UGT1A3: variants seen among roughly 807,000 people sequenced by gnomAD.
UGT1A3 encodes the protein UDP-glucuronosyltransferase 1A3.
In UGT1A3, 31 loss-of-function variants were observed where a neutral mutation model predicts 41.0. That is an observed-to-expected ratio of 0.76 (90% confidence interval 0.57 to 1.02). The LOEUF (loss-of-function observed/expected upper bound fraction) is 1.02. Ranked by LOEUF, UGT1A3 falls within the 50% of genes least tolerant of loss-of-function variation. The pLI, the probability that UGT1A3 is intolerant of heterozygous loss-of-function variation, is 0.00. For missense variants in UGT1A3, 737 were observed against 671.0 expected, an observed-to-expected ratio of 1.10 and a Z score of -1.09; for synonymous variants, 262 against 257.6, an observed-to-expected ratio of 1.02 and a Z score of -0.17.
At chr2:233,734,935 C>A (rs1354608889) in intron 1 of UGT1A3, among the ~76,000 whole-genome samples, 1 of 152,058 alleles carries the variant, frequency 6.6e-6, no homozygotes, top group African/African-American at 2.4e-5. Flanking sequence ...TACTTACAAT[C>A]ATATGGTCAG....
chr2:233,730,014 C>G (rs1187658663), intron 1 of UGT1A3, 21 bp downstream of exon 1: 2 of 1,613,720 alleles, frequency 1.2e-6, no homozygotes, highest in Non-Finnish European at 1.7e-6. Context: ...GTGCCTTCAT[C>G]CAATCAATGT....
intron 1 of UGT1A3, among the ~76,000 whole-genome samples, chr2:233,740,070 C>T (rs1691295893): frequency 6.6e-6 from 1 of 151,860 alleles, no homozygotes; most frequent in South Asian, 2.1e-4. Context: ...AGCTTTTCCT[C>T]TCTGTCTCTC....
chr2:233,743,602 G>A (rs1559387317), intron 1 of UGT1A3: 9 of 1,367,156 alleles, frequency 6.6e-6, no homozygotes, highest in African/African-American at 3.0e-5. Flanking sequence ...GGTCCTGGCC[G>A]CCGAAGAACT....
chr2:233,747,450 T>A, intron 1 of UGT1A3: 1 of 1,609,050 alleles, frequency 6.2e-7, no homozygotes, highest in Non-Finnish European at 8.5e-7. Flanking sequence ...CCTGACAACC[T>A]ATGCCATTTC....
At chr2:233,749,714 G>C (rs1485343485) in intron 1 of UGT1A3, among the ~76,000 whole-genome samples, 2 of 151,806 alleles carry the variant, frequency 1.3e-5, no homozygotes, top group Non-Finnish European at 2.9e-5. Flanking sequence ...TGGATCATGG[G>C]GGCAGTTTCG....
At position 233,729,825 on chromosome 2, in the gene UGT1A3, C is replaced by T. The variant is rs770263678; in HGVS notation, c.699C>T (p.Ser233=). The T allele has an allele frequency of 5.6e-6, 9 of 1,613,784 alleles. No individual in the cohort carries two copies. Among genetic ancestry groups the T allele is most frequent in the African/African-American group, 2.7e-5 (2 of 74,890 alleles). ...ATGCTTTTTCTGCTCCTTATGCAAG[C>T]CTTGCCTCTGAGCTTTTTCAGAGAG... The part of the protein sequence containing the change: ...ICHAFSAPYA[S]LASELFQREV... The change falls in exon 1 of 5, where the codon AGC becomes AGT. Residue 233 remains serine (S), a synonymous_variant. Transcript: ENST00000482026.
At chr2:233,741,466 G>C (rs577572519) in intron 1 of UGT1A3, 1 of 149,788 alleles carries the variant, frequency 6.7e-6, no homozygotes, top group Non-Finnish European at 1.5e-5. Flanking sequence ...CTTCACACAT[G>C]TAAGTTCCCT....
At chr2:233,768,989 C>A (rs947388091) in intron 4 of UGT1A3, among the ~76,000 whole-genome samples, 2 of 152,024 alleles carry the variant, frequency 1.3e-5, no homozygotes, top group African/African-American at 4.8e-5. Context: ...TTATTTCCCC[C>A]ATTAGATTTA....
chr2:233,749,588 C>G (rs932170958), intron 1 of UGT1A3, among the ~76,000 whole-genome samples: 1 of 151,804 alleles, frequency 6.6e-6, no homozygotes, highest in African/African-American at 2.4e-5. Context: ...TCTGTCTCAA[C>G]ATGAAGTCAC....
In UGT1A3 at chr2:233,772,291, G is replaced by C; in HGVS notation, c.1337G>C (p.Ser446Thr). Residue 446 changes from serine (S) to threonine (T), a missense_variant, in exon 5 of 5, where the codon AGC becomes ACC. Physicochemically the swap from Ser to Thr is moderately conservative, Grantham distance 58. Transcript: ENST00000482026. ...SYKENIMRLS[S>T]LHKDRPVEPL... ...AAGGAGAACATCATGCGCCTCTCCA[G>C]CCTTCACAAGGACCGCCCGGTGGAG... 1 of 1,614,230 alleles carries C rather than the reference G, an allele frequency of 6.2e-7. No individual in the cohort carries two copies. The highest frequency in any genetic ancestry group is 8.5e-7 in the Non-Finnish European group (1 of 1,180,052).
intron 1 of UGT1A3, among the ~76,000 whole-genome samples, chr2:233,746,994 GT>G (rs1693533640): frequency 6.6e-6 from 1 of 151,864 alleles, no homozygotes; most frequent in South Asian, 2.1e-4. Flanking sequence ...GGTCAGATGA[GT>G]TTTTCAAGTA....
At position 233,769,466 on chromosome 2, in the gene UGT1A3, T is replaced by C. The variant is rs1023177408; in HGVS notation, c.1307+1027T>C. On this transcript the variant is annotated intron_variant, in intron 4 of 4. Coordinates refer to ENST00000482026, the MANE Select transcript of UGT1A3 (RefSeq NM_019093.4). The surrounding 1 kb of genome is among the most constrained non-coding windows in gnomAD (Gnocchi z 4.4). ...GTGCACACGTGTGCATTCATATGCG[T>C]GTGTGTGTGTGTGCGTGTGTTTATG... 86 of 1,281,398 alleles carry C rather than the reference T, an allele frequency of 6.7e-5. No homozygotes were observed. The South Asian group carries it at 1.2e-3, about 18-fold the overall frequency. 79.4% of individuals were successfully genotyped at this position (1,281,398 alleles called of 1,614,324 possible).
chr2:233,757,312 G>A (rs1288195448), intron 1 of UGT1A3, among the ~76,000 whole-genome samples: 1 of 141,206 alleles, frequency 7.1e-6, no homozygotes, highest in Non-Finnish European at 1.5e-5. Context: ...GGACAGGGGG[G>A]CTGGGGCCCT....
chr2:233,747,618 G>T (rs1433302665), intron 1 of UGT1A3: 1 of 1,574,996 alleles, frequency 6.3e-7, no homozygotes, highest in African/African-American at 1.4e-5. Context: ...GCATAATGAG[G>T]CCCTGATCAG....
chr2:233,772,820 C>T lies in UGT1A3; in HGVS notation c.*261C>T. The T allele has an allele frequency of 1.0e-6, 1 of 980,900 alleles. No individual in the cohort carries two copies. The highest frequency in any genetic ancestry group is 3.1e-5 in the Admixed American group (1 of 31,764). 60.8% of individuals were successfully genotyped at this position (980,900 alleles called of 1,614,324 possible). A position where few individuals can be genotyped will look rare whatever the true frequency, so the allele number is the denominator to read the frequency against. On this transcript the variant is annotated 3_prime_UTR_variant, in exon 5 of 5. Coordinates refer to ENST00000482026, the MANE Select transcript of UGT1A3 (RefSeq NM_019093.4). ...TGCCATTTTTCAGAGGACGTGCAGA[C>T]AGGCTGGCATTCTAGATTACTTTTC...
At chr2:233,743,580 C>T (rs1377073083) in intron 1 of UGT1A3, 3 of 1,367,180 alleles carry the variant, frequency 2.2e-6, no homozygotes, top group Non-Finnish European at 2.9e-6. Context: ...CCCAAGAGGT[C>T]AAAGGAGAAT....
Position 233,754,880 on chromosome 2 carries a change from C to T in UGT1A3, c.868-12154C>T, listed in dbSNP as rs764187223. Reference sequence around the variant, plus strand: ...GTGCAGACCCTCTGCTTCTGCTTCCCAGGGAGTTCCTCTGACCCCCCAAAA... The same window carrying T: ...GTGCAGACCCTCTGCTTCTGCTTCCTAGGGAGTTCCTCTGACCCCCCAAAA... On this transcript the variant is annotated intron_variant, in intron 1 of 4. Transcript: ENST00000482026. 3.0e-6 allele frequency: 4 copies of T among 1,352,340 alleles called. No homozygotes were observed. The South Asian group carries it at 4.6e-5, about 15-fold the overall frequency. The allele number at this position is 1,352,340 out of a possible 1,614,324, so 83.8% of individuals were successfully genotyped here.
Position 233,768,420 on chromosome 2 carries a change from G to A in UGT1A3, c.1288G>A (p.Ala430Thr). 6.2e-7 allele frequency: 1 copy of A among 1,614,048 alleles called. No homozygotes were observed. Among genetic ancestry groups the A allele is most frequent in the South Asian group, 1.1e-5 (1 of 91,078 alleles). Residue 430 changes from alanine (A) to threonine (T), a missense_variant, in exon 4 of 5, where the codon GCA becomes ACA. By Grantham distance (58) the Ala-to-Thr change is moderately conservative (BLOSUM62 0). Transcript: ENST00000482026. Reference protein sequence around the residue: ...TSEDLENALKAVINDKSYKEN... With the variant: ...TSEDLENALKTVINDKSYKEN... ...TGAAGATTTAGAAAATGCTCTAAAAGCAGTCATCAATGACAAAAGGTAAGA... is the reference window on the plus strand; with the variant it reads ...TGAAGATTTAGAAAATGCTCTAAAAACAGTCATCAATGACAAAAGGTAAGA...
chr2:233,759,409 G>T (rs548037824), intron 1 of UGT1A3, among the ~76,000 whole-genome samples: 1 of 152,164 alleles, frequency 6.6e-6, no homozygotes, highest in African/African-American at 2.4e-5. Context: ...GTGACCTGTA[G>T]TAAGCAAAGG....
Sources: gnomAD v4.1 joint callset for allele counts (sites outside exome capture counted in the v4.1 genomes callset) on GRCh38, gnomAD v4.1.1 for gene constraint, Gnocchi (gnomAD v3.1) non-coding constraint, MANE v1.5 for transcripts, NCBI Gene and HGNC (gene_info 2026-07-23, HGNC 2026-07-21) for gene names.